The following ZNHIT2 variants were observed in gnomAD, a reference collection of about 807,000 sequenced individuals.
ZNHIT2 encodes zinc finger HIT domain-containing protein 2.
In ZNHIT2, 16 loss-of-function variants were observed where a neutral mutation model predicts 18.0. The ratio of observed to expected loss-of-function variants is 0.89; its 90% confidence interval spans 0.60 to 1.35. The LOEUF (loss-of-function observed/expected upper bound fraction) is 1.35. Among genes scored for constraint, ZNHIT2 ranks in the 40% most tolerant of loss-of-function variants. ZNHIT2 has a pLI of 0.00. For synonymous variants in ZNHIT2, 336 were observed against 269.8 expected (o/e 1.25, Z -2.41); for missense variants, 631 against 566.4 (o/e 1.11, Z -1.16).
chr11:65,117,456 G>A lies in ZNHIT2; in HGVS notation c.198C>T (p.Ser66=), dbSNP rs1948005968. 1 of 1,535,594 alleles carries A rather than the reference G, an allele frequency of 6.5e-7. No individual in the cohort carries two copies. The highest frequency in any genetic ancestry group is 1.4e-5 in the African/African-American group (1 of 72,328). Residue 66 remains serine, a synonymous_variant, in exon 1 of 1, where the codon AGC becomes AGT. Coordinates refer to ENST00000310597, the MANE Select transcript of ZNHIT2 (RefSeq NM_014205.4). The part of the protein sequence containing the change: ...GCSAPPSRLA[S]ALRRLRQQRE... ...GTTGCTGACGCAGCCGGCGTAGGGC[G>A]CTTGCTAGGCGGCTGGGAGGAGCGC...
chr11:65,117,683 C>G lies in ZNHIT2; in HGVS notation c.-30G>C. 7.4e-7 allele frequency: 1 copy of G among 1,358,106 alleles called. No homozygotes were observed. Among genetic ancestry groups the G allele is most frequent in the Non-Finnish European group, 9.5e-7 (1 of 1,057,442 alleles). The allele number at this position is 1,358,106 out of a possible 1,614,324, so 84.1% of individuals were successfully genotyped here. On this transcript the variant is annotated 5_prime_UTR_variant, in exon 1 of 1. Transcript: ENST00000310597. ...ACTGGCACCGCGATCTACCTGCGAA[C>G]GCACGCCGGTGGTAGTTCGAAACTT...
At position 65,117,359 on chromosome 11, in the gene ZNHIT2, A is replaced by G; in HGVS notation, c.295T>C (p.Trp99Arg). Residue 99 changes from tryptophan to arginine, a missense_variant, in exon 1 of 1, where the codon TGG becomes CGG. By Grantham distance (101) the Trp-to-Arg change is moderately radical. Transcript: ENST00000310597. ...GPAPGGLSGL[W>R]ERLAPGEKAA... ...TTTTCGCCCGGCGCCAGCCGCTCCC[A>G]GAGTCCCGATAGGCCGCCGGGCGCC... 9 of 1,510,946 alleles carry G rather than the reference A, an allele frequency of 6.0e-6. No homozygotes were observed. Among genetic ancestry groups the G allele is most frequent in the Non-Finnish European group, 7.0e-6 (8 of 1,139,530 alleles). The allele number at this position is 1,510,946 out of a possible 1,614,324, so 93.6% of individuals were successfully genotyped here. A position where few individuals can be genotyped will look rare whatever the true frequency, so the allele number is the denominator to read the frequency against.
In ZNHIT2 at chr11:65,117,642, G is replaced by GTTTTTTAAT. The variant is rs1268928151; in HGVS notation, c.11_12insATTAAAAAA (p.Ala4_Gly5insLeuLysAsn). On this transcript the variant is annotated inframe_insertion, in exon 1 of 1. Transcript: ENST00000310597. ...CCGCCGGGCAGAAGCCACAGGGCCC[G>GTTTTTTAAT]GCCGGCTCCATGGCAACTGGCACCG... The GTTTTTTAAT allele has an allele frequency of 7.0e-7, 1 of 1,438,478 alleles. No homozygotes were observed. Among genetic ancestry groups the GTTTTTTAAT allele is most frequent in the East Asian group, 2.7e-5 (1 of 36,538 alleles). The allele number at this position is 1,438,478 out of a possible 1,614,324, so 89.1% of individuals were successfully genotyped here.
chr11:65,116,406 C>G lies in ZNHIT2; in HGVS notation c.*36G>C. 1.3e-6 allele frequency: 2 copies of G among 1,508,834 alleles called. No individual in the cohort carries two copies. Among genetic ancestry groups the G allele is most frequent in the East Asian group, 2.3e-5 (1 of 43,688 alleles). 93.5% of individuals were successfully genotyped at this position (1,508,834 alleles called of 1,614,324 possible). ...CCTCAGAAACAAGCAACAGGGCTGA[C>G]CAGTCACAGCTTTATTAATGACCAG... On this transcript the variant is annotated 3_prime_UTR_variant, in exon 1 of 1. Coordinates refer to ENST00000310597, the MANE Select transcript of ZNHIT2 (RefSeq NM_014205.4).
chr11:65,117,479 C>A lies in ZNHIT2; in HGVS notation c.175G>T (p.Ala59Ser). 2 of 1,561,590 alleles carry A rather than the reference C, an allele frequency of 1.3e-6. No individual in the cohort carries two copies. The highest frequency in any genetic ancestry group is 1.7e-6 in the Non-Finnish European group (2 of 1,163,330). Residue 59 changes from alanine to serine, a missense_variant, in exon 1 of 1, where the codon GCT (alanine) becomes TCT (serine). Ala to Ser is a moderately conservative substitution (Grantham distance 99). Coordinates refer to ENST00000310597, the MANE Select transcript of ZNHIT2 (RefSeq NM_014205.4). Reference protein sequence around the residue: ...QVLGELRGCSAPPSRLASALR... With the variant: ...QVLGELRGCSSPPSRLASALR... ...GCGCTTGCTAGGCGGCTGGGAGGAGCGCTGCAACCGCGGAGCTCTCCCAGC... is the reference window on the plus strand; with the variant it reads ...GCGCTTGCTAGGCGGCTGGGAGGAGAGCTGCAACCGCGGAGCTCTCCCAGC...
At position 65,116,672 on chromosome 11, in the gene ZNHIT2, C is replaced by T. The variant is rs1341138660; in HGVS notation, c.982G>A (p.Glu328Lys). ...GCCCGGTAAAGATGATCTCGCTCTT[C>T]TCTAGCCACGGCCTGTTTCCGGGCA... ...GRARKQAVAR[E>K]ERDHLYRARK... Residue 328 changes from glutamate to lysine, a missense_variant, in exon 1 of 1, where the codon GAA (glutamate) becomes AAA (lysine). Coordinates refer to ENST00000310597, the MANE Select transcript of ZNHIT2 (RefSeq NM_014205.4). The T allele has an allele frequency of 1.2e-6, 2 of 1,614,048 alleles. No individual in the cohort carries two copies. Among genetic ancestry groups the T allele is most frequent in the Non-Finnish European group, 1.7e-6 (2 of 1,180,026 alleles).
In ZNHIT2 at chr11:65,116,900, C is replaced by T. The variant is rs2137211306; in HGVS notation, c.754G>A (p.Gly252Ser). The change falls in exon 1 of 1, where the codon GGT (glycine) becomes AGT (serine). Residue 252 changes from glycine to serine, a missense_variant. Physicochemically the swap from Gly to Ser is moderately conservative, Grantham distance 56 (BLOSUM62 0). Transcript: ENST00000310597. ...GCAGAGGCGAAGACTTGCTGGGCAC[C>T]CAGGGCTCCGGAAACGCCGAGCAGT... ...ATLLGVSGAL[G>S]AQQVFASAEE... The T allele has an allele frequency of 6.3e-7, 1 of 1,597,934 alleles. No homozygotes were observed. The highest frequency in any genetic ancestry group is 2.2e-5 in the East Asian group (1 of 44,552).
chr11:65,117,088 G>T lies in ZNHIT2; in HGVS notation c.566C>A (p.Thr189Lys). 1 of 1,592,958 alleles carries T rather than the reference G, an allele frequency of 6.3e-7. No individual in the cohort carries two copies. Residue 189 changes from threonine to lysine, a missense_variant, in exon 1 of 1, where the codon ACG becomes AAG. Thr to Lys is a moderately conservative substitution (Grantham distance 78). Coordinates refer to ENST00000310597, the MANE Select transcript of ZNHIT2 (RefSeq NM_014205.4). ...RVLGDVPGAC[T>K]PVVPTRIPAI... is the part of the protein sequence containing the mutation. Reference sequence around the variant, plus strand: ...GGGGATGCGGGTGGGTACGACGGGCGTGCAGGCCCCCGGGACATCTCCAAG... The same window carrying T: ...GGGGATGCGGGTGGGTACGACGGGCTTGCAGGCCCCCGGGACATCTCCAAG...
chr11:65,117,701 C>A lies in ZNHIT2; in HGVS notation c.-48G>T. The stretch of plus-strand genomic sequence containing the variant: ...CTGCGAACGCACGCCGGTGGTAGTT[C>A]GAAACTTCCGGGGCTTCTTCGATTA... On this transcript the variant is annotated 5_prime_UTR_variant, in exon 1 of 1. Transcript: ENST00000310597. 2.2e-6 allele frequency: 3 copies of A among 1,354,920 alleles called. No individual in the cohort carries two copies. The highest frequency in any genetic ancestry group is 3.5e-5 in the South Asian group (2 of 57,870). The allele number at this position is 1,354,920 out of a possible 1,614,324, so 83.9% of individuals were successfully genotyped here. A position where few individuals can be genotyped will look rare whatever the true frequency, so the allele number is the denominator to read the frequency against.
At position 65,116,946 on chromosome 11, in the gene ZNHIT2, C is replaced by T. The variant is rs777932493; in HGVS notation, c.708G>A (p.Leu236=). The change falls in exon 1 of 1, where the codon CTG becomes CTA. Residue 236 remains leucine, a synonymous_variant. Coordinates refer to ENST00000310597, the MANE Select transcript of ZNHIT2 (RefSeq NM_014205.4). ...GCAGTGTGGCACAGAAGTCAGAGAG[C>T]AGCGCGTCGTCACCGCCGTGATACA... ...LALYHGGDDA[L]LSDFCATLLG... is the part of the protein sequence containing the mutation. 5.0e-6 allele frequency: 8 copies of T among 1,597,520 alleles called. No individual in the cohort carries two copies. The East Asian group carries it at 1.8e-4, about 36-fold the overall frequency.
chr11:65,117,218 C>T lies in ZNHIT2; in HGVS notation c.436G>A (p.Ala146Thr). 6.5e-7 allele frequency: 1 copy of T among 1,528,660 alleles called. No homozygotes were observed. The allele number at this position is 1,528,660 out of a possible 1,614,324, so 94.7% of individuals were successfully genotyped here. The change falls in exon 1 of 1, where the codon GCC (alanine) becomes ACC (threonine). Residue 146 changes from alanine (A) to threonine (T), a missense_variant. Physicochemically the swap from Ala to Thr is moderately conservative, Grantham distance 58. Coordinates refer to ENST00000310597, the MANE Select transcript of ZNHIT2 (RefSeq NM_014205.4). ...GPQLLEELDN[A>T]PGSDAAELEL... Reference sequence around the variant, plus strand: ...AGCTCCGCGGCGTCACTACCCGGGGCATTATCCAGCTCCTCCAGAAGCTGC... The same window carrying T: ...AGCTCCGCGGCGTCACTACCCGGGGTATTATCCAGCTCCTCCAGAAGCTGC...
In ZNHIT2 at chr11:65,117,362, G is replaced by A. The variant is rs756037331; in HGVS notation, c.292C>T (p.Leu98Phe). 3 of 1,509,652 alleles carry A rather than the reference G, an allele frequency of 2.0e-6. No individual in the cohort carries two copies. Among genetic ancestry groups the A allele is most frequent in the East Asian group, 5.1e-5 (2 of 39,252 alleles). 93.5% of individuals were successfully genotyped at this position (1,509,652 alleles called of 1,614,324 possible). ...TCGCCCGGCGCCAGCCGCTCCCAGA[G>A]TCCCGATAGGCCGCCGGGCGCCGGG... ...SGPAPGGLSG[L>F]WERLAPGEKA... Residue 98 changes from leucine to phenylalanine, a missense_variant, in exon 1 of 1, where the codon CTC becomes TTC. Leu to Phe is a conservative substitution (Grantham distance 22). Transcript: ENST00000310597.
At position 65,117,514 on chromosome 11, in the gene ZNHIT2, C is replaced by T; in HGVS notation, c.140G>A (p.Arg47His). 2 of 1,591,200 alleles carry T rather than the reference C, an allele frequency of 1.3e-6. No homozygotes were observed. The highest frequency in any genetic ancestry group is 2.7e-5 in the African/African-American group (2 of 74,624). Residue 47 changes from arginine to histidine, a missense_variant, in exon 1 of 1, where the codon CGT becomes CAT. Physicochemically the swap from Arg to His is conservative, Grantham distance 29. Coordinates refer to ENST00000310597, the MANE Select transcript of ZNHIT2 (RefSeq NM_014205.4). ...THGTCAENFY[R>H]DQVLGELRGC... is the part of the protein sequence containing the mutation. The stretch of plus-strand genomic sequence containing the variant: ...GCGGAGCTCTCCCAGCACCTGGTCA[C>T]GGTAGAAGTTTTCTGCGCAGGTGCC...
Position 65,117,163 on chromosome 11 carries a change from T to G in ZNHIT2, c.491A>C (p.Asp164Ala). Residue 164 changes from aspartate (D) to alanine (A), a missense_variant, in exon 1 of 1, where the codon GAT becomes GCT. Coordinates refer to ENST00000310597, the MANE Select transcript of ZNHIT2 (RefSeq NM_014205.4). ...LELAPARTPPDSVKDASAAEP... is the reference protein window; with the variant it reads ...LELAPARTPPASVKDASAAEP... ...CGCGGCGGAGGCATCTTTCACAGAA[T>G]CCGGCGGGGTCCTCGCAGGGGCGAG... 2 of 1,567,300 alleles carry G rather than the reference T, an allele frequency of 1.3e-6. No homozygotes were observed. The highest frequency in any genetic ancestry group is 1.7e-6 in the Non-Finnish European group (2 of 1,161,670).
Position 65,116,531 on chromosome 11 carries a change from C to T in ZNHIT2, c.1123G>A (p.Val375Met), listed in dbSNP as rs979684655. The T allele has an allele frequency of 6.5e-6, 10 of 1,544,668 alleles. 1 individual carries two copies. The highest frequency in any genetic ancestry group is 1.7e-4 in the Middle Eastern group (1 of 5,758). ...HQAHAVVAEEVAALTGELERL... is the reference protein window; with the variant it reads ...HQAHAVVAEEMAALTGELERL... ...TCCAGCTCCCCAGTGAGGGCGGCCA[C>T]CTCCTCGGCTACCACAGCATGGGCT... The change falls in exon 1 of 1, where the codon GTG becomes ATG. Residue 375 changes from valine (V) to methionine (M), a missense_variant. Transcript: ENST00000310597.
In ZNHIT2 at chr11:65,117,213, C is replaced by T. The variant is rs779578641; in HGVS notation, c.441G>A (p.Pro147=). 6.5e-7 allele frequency: 1 copy of T among 1,534,814 alleles called. No homozygotes were observed. The highest frequency in any genetic ancestry group is 1.4e-5 in the African/African-American group (1 of 73,088). The change falls in exon 1 of 1, where the codon CCG becomes CCA. Residue 147 remains proline (P), a synonymous_variant. Coordinates refer to ENST00000310597, the MANE Select transcript of ZNHIT2 (RefSeq NM_014205.4). ...PQLLEELDNA[P]GSDAAELELA... is the part of the protein sequence containing the mutation. ...GCTCCAGCTCCGCGGCGTCACTACC[C>T]GGGGCATTATCCAGCTCCTCCAGAA...
chr11:65,116,899 C>T lies in ZNHIT2; in HGVS notation c.755G>A (p.Gly252Asp). The change falls in exon 1 of 1, where the codon GGT (glycine) becomes GAT (aspartate). Residue 252 changes from glycine (G) to aspartate (D), a missense_variant. By Grantham distance (94) the Gly-to-Asp change is moderately conservative (BLOSUM62 -1). Coordinates refer to ENST00000310597, the MANE Select transcript of ZNHIT2 (RefSeq NM_014205.4). ...CGCAGAGGCGAAGACTTGCTGGGCA[C>T]CCAGGGCTCCGGAAACGCCGAGCAG... The part of the protein sequence containing the change: ...ATLLGVSGAL[G>D]AQQVFASAEE... 9 of 1,597,950 alleles carry T rather than the reference C, an allele frequency of 5.6e-6. No individual in the cohort carries two copies. Among genetic ancestry groups the T allele is most frequent in the Non-Finnish European group, 7.6e-6 (9 of 1,176,658 alleles).
Position 65,117,603 on chromosome 11 carries a change from T to A in ZNHIT2, c.51A>T (p.Pro17=). 2.0e-6 allele frequency: 3 copies of A among 1,521,320 alleles called. No homozygotes were observed. The highest frequency in any genetic ancestry group is 2.6e-6 in the Non-Finnish European group (3 of 1,141,088). The allele number at this position is 1,521,320 out of a possible 1,614,324, so 94.2% of individuals were successfully genotyped here. A position where few individuals can be genotyped will look rare whatever the true frequency, so the allele number is the denominator to read the frequency against. ...TACAGCGAGGGCAGGTGTAACGCGC[T>A]GGCTGGACCTCCCCCGCCGGGCAGA... ...CGFCPAGEVQ[P]ARYTCPRCNA... The change falls in exon 1 of 1, where the codon CCA becomes CCT. Residue 17 remains proline, a synonymous_variant. Coordinates refer to ENST00000310597, the MANE Select transcript of ZNHIT2 (RefSeq NM_014205.4).
In ZNHIT2 at chr11:65,117,672, CT is replaced by C. The variant is rs749815853; in HGVS notation, c.-20del. ...GCTCCATGGCAACTGGCACCGCGATCTACCTGCGAACGCACGCCGGTGGTAG... is the reference window on the plus strand; with the variant it reads ...GCTCCATGGCAACTGGCACCGCGATCACCTGCGAACGCACGCCGGTGGTAG... On this transcript the variant is annotated 5_prime_UTR_variant, in exon 1 of 1. Transcript: ENST00000310597. The C allele has an allele frequency of 2.9e-5, 39 of 1,366,418 alleles. No homozygotes were observed. Among genetic ancestry groups the C allele is most frequent in the Non-Finnish European group, 3.7e-5 (39 of 1,061,620 alleles). 84.6% of individuals were successfully genotyped at this position (1,366,418 alleles called of 1,614,324 possible).
Sources: gnomAD v4.1 joint callset for allele counts on GRCh38, gnomAD v4.1.1 for gene constraint, MANE v1.5 for transcripts, NCBI Gene and HGNC (gene_info 2026-07-23, HGNC 2026-07-21) for gene names.